The following STKLD1 variants were observed in gnomAD, a reference collection of about 807,000 sequenced individuals.
STKLD1 encodes serine/threonine kinase like domain containing 1, also known as serine/threonine kinase-like domain-containing protein STKLD1.
STKLD1 carries 79 observed loss-of-function variants against 80.4 expected under a neutral mutation model. That is an observed-to-expected ratio of 0.98 (90% CI 0.82 to 1.19). The LOEUF (loss-of-function observed/expected upper bound fraction) is 1.19. STKLD1 is among the 50% of genes most tolerant of loss of function. The pLI is 0.00. For missense variants in STKLD1, 841 were observed against 856.0 expected, an observed-to-expected ratio of 0.98 and a Z score of 0.22; for synonymous variants, 393 against 357.6, an observed-to-expected ratio of 1.10 and a Z score of -1.12.
At chr9:133,382,087 T>C (rs1181913897) in intron 2 of STKLD1, among the ~76,000 whole-genome samples, 2 of 152,202 alleles carry the variant, frequency 1.3e-5, no homozygotes, top group Non-Finnish European at 2.9e-5. Context: ...GTGCTGCCCT[T>C]GCCACCACCC....
intron 12 of STKLD1, among the ~76,000 whole-genome samples, chr9:133,401,187 C>T (rs587623472): frequency 1.0e-3 from 149 of 148,918 alleles, no homozygotes; most frequent in African/African-American, 3.5e-3. Flanking sequence ...GTCACCCAGG[C>T]GAGTGCAGTG....
chr9:133,381,825 AG>A (rs1308853563), intron 2 of STKLD1, among the ~76,000 whole-genome samples: 1 of 152,230 alleles, frequency 6.6e-6, no homozygotes, highest in African/African-American at 2.4e-5. Flanking sequence ...ACAGGAGGAA[AG>A]GAAGACAGGA....
At position 133,385,812 on chromosome 9, in the gene STKLD1, G is replaced by A. The variant is rs2130275709; in HGVS notation, c.294+121G>A. On this transcript the variant is annotated intron_variant, in intron 4 of 17. Transcript: ENST00000371957. The surrounding 1 kb of genome is among the most constrained non-coding windows in gnomAD (Gnocchi z 4.9). ...GAATAGCTCGTGTGGCAATGGCAGTGACTGTAAACGTGGCCACCCCTGACC... is the reference window on the plus strand; with the variant it reads ...GAATAGCTCGTGTGGCAATGGCAGTAACTGTAAACGTGGCCACCCCTGACC... The A allele has an allele frequency of 2.1e-5, 19 of 902,764 alleles. No homozygotes were observed. The highest frequency in any genetic ancestry group is 1.7e-4 in the Admixed American group (8 of 46,588). 55.9% of individuals were successfully genotyped at this position (902,764 alleles called of 1,614,324 possible). A position where few individuals can be genotyped will look rare whatever the true frequency, so the allele number is the denominator to read the frequency against.
intron 7 of STKLD1, chr9:133,393,969 G>A: frequency 3.4e-6 from 1 of 298,488 alleles, no homozygotes; most frequent in Non-Finnish European, 6.3e-6. Flanking sequence ...ACAGTTTCTT[G>A]GCACGTGCCT....
chr9:133,377,455 C>T (rs2130254213), intron 1 of STKLD1, among the ~76,000 whole-genome samples: 7,399 of 152,230 alleles, frequency 0.049, 586 homozygotes, highest in African/African-American at 0.16. Flanking sequence ...CACCTGAGAT[C>T]GGGAGTTCAA....
Position 133,400,424 on chromosome 9 carries a change from C to G in STKLD1, c.1093C>G (p.Pro365Ala), listed in dbSNP as rs373297034. Reference sequence around the variant, plus strand: ...GCCCGCCCTGCCAGGTCTGCCGTGGCCCCCGGAGCTGGTGGAGGTGGTGGT... The same window carrying G: ...GCCCGCCCTGCCAGGTCTGCCGTGGGCCCCGGAGCTGGTGGAGGTGGTGGT... ...MPADQLGLPW[P>A]PELVEVVVTT... The change falls in exon 12 of 18, where the codon CCC becomes GCC. Residue 365 changes from proline (P) to alanine (A), a missense_variant. Pro to Ala is a conservative substitution (Grantham distance 27). Coordinates refer to ENST00000371957, the MANE Select transcript of STKLD1 (RefSeq NM_153710.5). 4 of 1,611,932 alleles carry G rather than the reference C, an allele frequency of 2.5e-6. No homozygotes were observed. The highest frequency in any genetic ancestry group is 1.6e-4 in the Middle Eastern group (1 of 6,082).
At chr9:133,386,880 C>T (rs1838276313) in intron 4 of STKLD1, among the ~76,000 whole-genome samples, 1 of 152,246 alleles carries the variant, frequency 6.6e-6, no homozygotes, top group African/African-American at 2.4e-5. Flanking sequence ...CGGGTCCGAG[C>T]AGGAAAGGCC....
chr9:133,392,691 G>A (rs1282673516), intron 7 of STKLD1, among the ~76,000 whole-genome samples: 1,894 of 106,100 alleles, frequency 0.018, 159 homozygotes, highest in Non-Finnish European at 0.025. Flanking sequence ...GGGTGAGTAG[G>A]TGAGTGGATG....
In STKLD1 at chr9:133,394,123, CA is replaced by C. The variant is rs1838494476; in HGVS notation, c.584-167del. On this transcript the variant is annotated intron_variant, in intron 7 of 17. Transcript: ENST00000371957. The surrounding 1 kb of genome is among the most constrained non-coding windows in gnomAD (Gnocchi z 4.9). ...GCTGATTGGGGCCTCTTCCTCCCCA[CA>C]GTTAATATTCTCCACCTCTTCTGAG... 9.3e-6 allele frequency: 6 copies of C among 648,262 alleles called. No homozygotes were observed. The highest frequency in any genetic ancestry group is 9.2e-5 in the South Asian group (5 of 54,190). 40.2% of individuals were successfully genotyped at this position (648,262 alleles called of 1,614,324 possible).
At position 133,394,405 on chromosome 9, in the gene STKLD1, TG is replaced by T; in HGVS notation, c.700del (p.Asp234MetfsTer19). The T allele has an allele frequency of 6.2e-7, 1 of 1,610,304 alleles. No homozygotes were observed. Among genetic ancestry groups the T allele is most frequent in the Non-Finnish European group, 8.5e-7 (1 of 1,176,756 alleles). ...IILDMTSCSF[M>X]DGTEAMHLRK... The stretch of plus-strand genomic sequence containing the variant: ...CTGGACATGACCAGCTGCTCCTTCA[TG>T]GATGTGAGCCGCCCTCCCTCCCCCA... On this transcript the variant is annotated frameshift_variant, in exon 8 of 18. Coordinates refer to ENST00000371957, the MANE Select transcript of STKLD1 (RefSeq NM_153710.5). LOFTEE classifies it high-confidence loss of function. This position sits in a 1 kb window ranked among gnomAD's most constrained non-coding sequence, Gnocchi z 4.9.
rs2130279345 is a variant in STKLD1 at position 133,387,396 on chromosome 9, G to A, written c.295-51G>A. On this transcript the variant is annotated intron_variant, in intron 4 of 17. Coordinates refer to ENST00000371957, the MANE Select transcript of STKLD1 (RefSeq NM_153710.5). Reference sequence around the variant, plus strand: ...AGGCCCTGGAGCAGGTGAGCCTGCAGAAGCACCGGGGCCTGGGCGTCCTTT... The same window carrying A: ...AGGCCCTGGAGCAGGTGAGCCTGCAAAAGCACCGGGGCCTGGGCGTCCTTT... The A allele has an allele frequency of 1.8e-5, 27 of 1,500,120 alleles. No homozygotes were observed. In the South Asian group the frequency reaches 2.3e-4, roughly 13 times the overall value. The allele number at this position is 1,500,120 out of a possible 1,614,324, so 92.9% of individuals were successfully genotyped here. A position where few individuals can be genotyped will look rare whatever the true frequency, so the allele number is the denominator to read the frequency against.
Position 133,399,820 on chromosome 9 carries a change from A to G in STKLD1, c.1082-593A>G, listed in dbSNP as rs587647636. Reference sequence around the variant, plus strand: ...CTTGAACCCAGGAGGCGGAGGTTGCAGTGAGCTGAGATGATGCCACTGCAC... The same window carrying G: ...CTTGAACCCAGGAGGCGGAGGTTGCGGTGAGCTGAGATGATGCCACTGCAC... On this transcript the variant is annotated intron_variant, in intron 11 of 17. Coordinates refer to ENST00000371957, the MANE Select transcript of STKLD1 (RefSeq NM_153710.5). Among the ~76,000 whole-genome samples the G allele has an allele frequency of 1.4e-3, 207 of 150,210 alleles. 1 individual carries two copies. The highest frequency in any genetic ancestry group is 5.0e-3 in the African/African-American group (203 of 40,962).
Position 133,390,778 on chromosome 9 carries a change from A to G in STKLD1, c.565A>G (p.Asn189Asp), listed in dbSNP as rs2130287283. 6.2e-7 allele frequency: 1 copy of G among 1,613,738 alleles called. No homozygotes were observed. Residue 189 changes from asparagine to aspartate, a missense_variant, in exon 7 of 18, where the codon AAT becomes GAT. By Grantham distance (23) the Asn-to-Asp change is conservative (BLOSUM62 1). Coordinates refer to ENST00000371957, the MANE Select transcript of STKLD1 (RefSeq NM_153710.5). This position sits in a 1 kb window ranked among gnomAD's most constrained non-coding sequence, Gnocchi z 5.1. ...GCTAATGACAGACAAAGCCAAATGG[A>G]ATATTCGTGCGGAGGAAGGTGGCAG... ...NVLMTDKAKW[N>D]IRAEEDPFRK...
In STKLD1 at chr9:133,402,906, G is replaced by A. The variant is rs1554777948; in HGVS notation, c.1368G>A (p.Gln456=). Residue 456 remains glutamine, a synonymous_variant, in exon 14 of 18, where the codon CAG becomes CAA. Transcript: ENST00000371957. The part of the protein sequence containing the change: ...QESESLSEEL[Q]NAGLLEHILE... ...CAGAGTCACTGTCAGAGGAGCTGCA[G>A]AATGCTGGGCTGCTGGAGCACATCC... 3.1e-6 allele frequency: 5 copies of A among 1,593,010 alleles called. No individual in the cohort carries two copies. The Admixed American group carries it at 8.7e-5, about 28-fold the overall frequency.
At chr9:133,393,037 T>C (rs1838447362) in intron 7 of STKLD1, among the ~76,000 whole-genome samples, 1 of 92,572 alleles carries the variant, frequency 1.1e-5, no homozygotes, top group African/African-American at 4.4e-5. Context: ...GGCAGATGGG[T>C]GAGTGCATGG....
intron 7 of STKLD1, among the ~76,000 whole-genome samples, chr9:133,392,365 CCA>C (rs1838420164): frequency 6.6e-6 from 1 of 151,984 alleles, no homozygotes; most frequent in Non-Finnish European, 1.5e-5. Context: ...CCGCACCCGG[CCA>C]CACTCAGTCC....
intron 2 of STKLD1, among the ~76,000 whole-genome samples, chr9:133,382,875 A>G (rs1838173053): frequency 7.4e-6 from 1 of 134,708 alleles, no homozygotes; most frequent in African/African-American, 3.0e-5. Flanking sequence ...TGTGATGGTG[A>G]TGGTGGTAAT....
At chr9:133,395,046 T>C (rs1363759644) in intron 8 of STKLD1, among the ~76,000 whole-genome samples, 2 of 152,124 alleles carry the variant, frequency 1.3e-5, no homozygotes, top group African/African-American at 4.8e-5. Flanking sequence ...AGGCCTGCCA[T>C]GCCCAAAACA....
Position 133,398,046 on chromosome 9 carries a change from G to A in STKLD1, c.1072G>A (p.Asp358Asn), listed in dbSNP as rs1412164966. ...GAAGAGGCTTCTGAAAATGCCTGCA[G>A]ATCAGCTAGGTAGGCCCCACCCTGC... ...AMKRLLKMPA[D>N]QLGLPWPPEL... The change falls in exon 11 of 18, where the codon GAT (aspartate) becomes AAT (asparagine). Residue 358 changes from aspartate to asparagine, a missense_variant. Transcript: ENST00000371957. 6.2e-7 allele frequency: 1 copy of A among 1,613,540 alleles called. No homozygotes were observed. The highest frequency in any genetic ancestry group is 8.5e-7 in the Non-Finnish European group (1 of 1,179,884).
Sources: allele counts gnomAD v4.1 joint callset (sites outside exome capture counted in the v4.1 genomes callset), GRCh38; gene constraint gnomAD v4.1.1; non-coding constraint Gnocchi (gnomAD v3.1); transcripts MANE v1.5; gene names NCBI Gene and HGNC (gene_info 2026-07-23, HGNC 2026-07-21).